SDC2: variants seen among roughly 807,000 people sequenced by gnomAD.
SDC2 encodes syndecan-2.
Under a neutral mutation model 22.2 loss-of-function variants are expected in SDC2, and 13 were observed. The observed-to-expected ratio is 0.59, with a 90% confidence interval of 0.38 to 0.93. SDC2 has a LOEUF of 0.93. Among genes scored for constraint, SDC2 ranks in the 40% least tolerant of loss-of-function variants. The pLI is 0.00. For synonymous variants in SDC2, 94 were observed against 92.8 expected (o/e 1.01, Z -0.07); for missense variants, 235 against 246.8 (o/e 0.95, Z 0.32).
chr8:96,518,187 G>A (rs939789405), intron 1 of SDC2, among the ~76,000 whole-genome samples: 2 of 151,716 alleles, frequency 1.3e-5, no homozygotes, highest in African/African-American at 4.8e-5. Context: ...GTTTTGTTTC[G>A]CTTCATGGTA....
At chr8:96,499,804 T>A (rs1246987415) in intron 1 of SDC2, among the ~76,000 whole-genome samples, 3 of 151,422 alleles carry the variant, frequency 2.0e-5, no homozygotes, top group Admixed American at 6.6e-5. Context: ...GAGGGAGCCA[T>A]GTCAGATGTT....
rs186752603 is a variant in SDC2, at chr8:96,554,457, C to A, written c.61-39023C>A. 3.1e-3 allele frequency among the ~76,000 whole-genome samples: 468 copies of A among 152,062 alleles called. 3 individuals carry two copies. Among genetic ancestry groups the A allele is most frequent in the African/African-American group, 0.01 (431 of 41,498 alleles). On this transcript the variant is annotated intron_variant, in intron 1 of 4. Coordinates refer to ENST00000302190, the MANE Select transcript of SDC2 (RefSeq NM_002998.4). ...GAAAAAAAGTAGGTTTTAAGCAGGT[C>A]ATGGTTTATGTTCCAGCATTTAGTT...
At chr8:96,594,076 G>A (rs575606667) in intron 2 of SDC2, among the ~76,000 whole-genome samples, 139 of 152,246 alleles carry the variant, frequency 9.1e-4, no homozygotes, top group African/African-American at 3.2e-3. Context: ...GGGTATTGTA[G>A]GAGGAAAATG....
intron 1 of SDC2, among the ~76,000 whole-genome samples, chr8:96,501,248 A>G (rs1250965935): frequency 6.6e-6 from 1 of 150,446 alleles, no homozygotes; most frequent in Non-Finnish European, 1.5e-5. Context: ...AAGATACGCA[A>G]TTATTAAAGG....
chr8:96,518,113 G>C (rs1813434925), intron 1 of SDC2, among the ~76,000 whole-genome samples: 1 of 152,048 alleles, frequency 6.6e-6, no homozygotes, highest in African/African-American at 2.4e-5. Context: ...GTGAGGTCTT[G>C]GCTAAGATAC....
intron 1 of SDC2, among the ~76,000 whole-genome samples, chr8:96,569,411 T>C (rs1359240614): frequency 6.6e-6 from 1 of 152,190 alleles, no homozygotes; most frequent in Non-Finnish European, 1.5e-5. Context: ...ACTGGGCCAG[T>C]GTAGAGTACA....
intron 2 of SDC2, among the ~76,000 whole-genome samples, chr8:96,597,617 A>G (rs1814901041): frequency 6.6e-6 from 1 of 152,260 alleles, no homozygotes; most frequent in Non-Finnish European, 1.5e-5. Flanking sequence ...TAGTAAATTC[A>G]GAGAGAAAAG....
At chr8:96,580,263 C>A in intron 1 of SDC2, 5 of 385,362 alleles carry the variant, frequency 1.3e-5, no homozygotes, top group South Asian at 1.1e-4. Flanking sequence ...CATTCTTTAG[C>A]CTCCAAAGCA....
chr8:96,569,471 A>T (rs529477618), intron 1 of SDC2, among the ~76,000 whole-genome samples: 3 of 152,122 alleles, frequency 2.0e-5, no homozygotes, highest in Non-Finnish European at 4.4e-5. Flanking sequence ...CACAGCTCTT[A>T]TCTCTCTCCT....
At chr8:96,549,183 T>G (rs1370232791) in intron 1 of SDC2, among the ~76,000 whole-genome samples, 1 of 152,192 alleles carries the variant, frequency 6.6e-6, no homozygotes, top group East Asian at 1.9e-4. Flanking sequence ...CAGGAAAACT[T>G]AAGGAAAGCA....
intron 1 of SDC2, among the ~76,000 whole-genome samples, chr8:96,576,492 T>TCACTG (rs1814505429): frequency 1.2e-5 from 1 of 85,604 alleles, no homozygotes; most frequent in Admixed American, 1.3e-4. Flanking sequence ...GGACCTCGGC[T>TCACTG]CACTGCAAGC....
chr8:96,547,518 C>T (rs189383741), intron 1 of SDC2, among the ~76,000 whole-genome samples: 54 of 152,266 alleles, frequency 3.5e-4, no homozygotes, highest in Non-Finnish European at 6.3e-4. Context: ...GGTCTTTATT[C>T]ATTCACCTCA....
rs1481198542 is a variant in SDC2 at position 96,576,368 on chromosome 8, G to GTTTTT, written c.61-17111_61-17107dup. Among the ~76,000 whole-genome samples the GTTTTT allele has an allele frequency of 8.6e-3, 143 of 16,562 alleles. 23 individuals are homozygous for GTTTTT. Among genetic ancestry groups the GTTTTT allele is most frequent in the African/African-American group, 0.017 (139 of 7,970 alleles). 10.9% of individuals were successfully genotyped at this position (16,562 alleles called of 152,430 possible). A position where few individuals can be genotyped will look rare whatever the true frequency, so the allele number is the denominator to read the frequency against. On this transcript the variant is annotated intron_variant, in intron 1 of 4. Transcript: ENST00000302190. ...ACATAAGTTCAATAATTGGTAGTTT[G>GTTTTT]TTTTTGTTTTGTTTTGTTTTTTTTT... is the stretch of plus-strand genomic sequence containing the variant.
chr8:96,569,789 G>A (rs963893221), intron 1 of SDC2, among the ~76,000 whole-genome samples: 7 of 152,140 alleles, frequency 4.6e-5, no homozygotes, highest in Non-Finnish European at 8.8e-5. Flanking sequence ...CTCAAAGGTC[G>A]TTCACTTTGC....
intron 2 of SDC2, among the ~76,000 whole-genome samples, chr8:96,598,083 G>A (rs896197386): frequency 6.6e-6 from 1 of 152,120 alleles, no homozygotes; most frequent in African/African-American, 2.4e-5. Flanking sequence ...TCTGGTGAGG[G>A]CTTTCTGACT....
chr8:96,536,363 C>T (rs539481196), intron 1 of SDC2, among the ~76,000 whole-genome samples: 29 of 152,048 alleles, frequency 1.9e-4, no homozygotes, highest in African/African-American at 6.8e-4. Context: ...CTCTGTTGCC[C>T]AGGCTGGACT....
intron 1 of SDC2, among the ~76,000 whole-genome samples, chr8:96,540,762 A>G (rs1408164148): frequency 6.6e-6 from 1 of 152,194 alleles, no homozygotes; most frequent in East Asian, 1.9e-4. Flanking sequence ...CTTGGCCTTC[A>G]TGAAGTAGGT....
At chr8:96,599,541 T>C (rs1339175704) in intron 2 of SDC2, among the ~76,000 whole-genome samples, 1 of 91,062 alleles carries the variant, frequency 1.1e-5, no homozygotes, top group Non-Finnish European at 2.5e-5. Context: ...TAATGACCTA[T>C]ATTTACGTAA....
intron 1 of SDC2, 95 bp from the exon 2 acceptor site, chr8:96,593,384 AG>A (rs1814817567): frequency 1.4e-6 from 1 of 737,258 alleles, no homozygotes. Flanking sequence ...TGGGAGTGGG[AG>A]GGGTAGTCAC....
Sources: allele counts gnomAD v4.1 joint callset (sites outside exome capture counted in the v4.1 genomes callset), GRCh38; gene constraint gnomAD v4.1.1; transcripts MANE v1.5; gene names NCBI Gene and HGNC (gene_info 2026-07-23, HGNC 2026-07-21).